Variants in TENM2 observed in about 807,000 individuals in gnomAD.
The protein encoded by TENM2 is teneurin transmembrane protein 2.
Under a neutral mutation model 245.2 loss-of-function variants are expected in TENM2, and 52 were observed. The ratio of observed to expected loss-of-function variants is 0.21; its 90% CI spans 0.17 to 0.27. The LOEUF (loss-of-function observed/expected upper bound fraction) is 0.27. Among genes scored for constraint, TENM2 ranks in the 10% least tolerant of loss-of-function variants. The probability of loss-of-function intolerance (pLI) is 1.00; values close to 1 mark genes in which losing one functional copy is unlikely to be tolerated. For synonymous variants in TENM2, 1,363 were observed against 1,438.9 expected (o/e 0.95, Z 1.19); for missense variants, 3,046 against 3,666.8 (o/e 0.83, Z 4.37).
At chr5:167,403,406 A>G (rs1389786228) in intron 2 of TENM2, among the ~76,000 whole-genome samples, 1 of 152,102 alleles carries the variant, frequency 6.6e-6, no homozygotes, top group Admixed American at 6.6e-5. Context: ...TATATTTGCC[A>G]TAGGCAAGAA....
At position 167,647,487 on chromosome 5, in the gene TENM2, G is replaced by A. The variant is rs367643088; in HGVS notation, c.503-228499G>A. Among the ~76,000 whole-genome samples, 39 of 152,110 alleles carry A rather than the reference G, an allele frequency of 2.6e-4. No individual in the cohort carries two copies. In the East Asian group the frequency reaches 5.8e-3, roughly 23 times the overall value. On this transcript the variant is annotated intron_variant, in intron 2 of 28. Transcript: ENST00000518659. ...AAAATACAAAAATTAGCCGGGCGTG[G>A]TGGTGAGTGCCTGTAGTCCCACCTA...
intron 3 of TENM2, among the ~76,000 whole-genome samples, chr5:167,898,271 T>G (rs1638846286): frequency 6.6e-6 from 1 of 151,964 alleles, no homozygotes; most frequent in Non-Finnish European, 1.5e-5. Context: ...ACTCTACCTC[T>G]CTCCTTTCCC....
chr5:167,280,277 G>A (rs531955850), upstream of TENM2, among the ~76,000 whole-genome samples: 27 of 152,288 alleles, frequency 1.8e-4, no homozygotes, highest in South Asian at 3.3e-3. Context: ...TGCTTACACC[G>A]CAGGGGGCAA....
chr5:167,011,836 A>G, the TENM2 span, among the ~76,000 whole-genome samples: 1 of 152,214 alleles, frequency 6.6e-6, no homozygotes, highest in South Asian at 2.1e-4. Flanking sequence ...ATGTCGCAGG[A>G]CATGATTTGT....
chr5:167,856,074 C>T lies in TENM2; in HGVS notation c.503-19912C>T, dbSNP rs549084653. 6.6e-5 allele frequency among the ~76,000 whole-genome samples: 10 copies of T among 152,272 alleles called. No individual in the cohort carries two copies. In the East Asian group the frequency reaches 1.4e-3, roughly 21 times the overall value. ...TTATCTTCCACACAGTCACTTATTT[C>T]GACTTCACTTAGGCTGGGTACAAAC... On this transcript the variant is annotated intron_variant, in intron 2 of 28. Coordinates refer to ENST00000518659, the Ensembl canonical transcript of TENM2.
At chr5:167,046,870 G>A in the TENM2 span, among the ~76,000 whole-genome samples, 1 of 130,754 alleles carries the variant, frequency 7.6e-6, no homozygotes, top group African/African-American at 2.8e-5. Context: ...CCCACCCCCC[G>A]ACAGGCCCTG....
chr5:168,009,068 G>A (rs1785032721), intron 5 of TENM2, among the ~76,000 whole-genome samples: 1 of 152,146 alleles, frequency 6.6e-6, no homozygotes, highest in South Asian at 2.1e-4. Flanking sequence ...CCTCCATAAC[G>A]TAGTGCTTAC....
At chr5:167,074,610 C>A in the TENM2 span, among the ~76,000 whole-genome samples, 1 of 152,232 alleles carries the variant, frequency 6.6e-6, no homozygotes, top group African/African-American at 2.4e-5. Context: ...GGAACGTTGA[C>A]AGCAGTTCTG....
intron 2 of TENM2, among the ~76,000 whole-genome samples, chr5:167,511,827 A>C (rs2127570673): frequency 6.6e-6 from 1 of 152,334 alleles, no homozygotes; most frequent in Admixed American, 6.5e-5. Context: ...AGTCAGTTCA[A>C]CTAAGGTGAG....
intron 12 of TENM2, among the ~76,000 whole-genome samples, chr5:168,159,492 C>T (rs1338936832): frequency 6.6e-6 from 1 of 152,152 alleles, no homozygotes; most frequent in South Asian, 2.1e-4. Context: ...ACCCATTTTG[C>T]CCTCCAGACT....
intron 2 of TENM2, among the ~76,000 whole-genome samples, chr5:167,717,026 G>A (rs1759319461): frequency 6.6e-6 from 1 of 151,554 alleles, no homozygotes; most frequent in African/African-American, 2.4e-5. Context: ...GTGCAGTGGT[G>A]CAATCTCAGC....
At chr5:167,667,380 C>T (rs1464102348) in intron 2 of TENM2, among the ~76,000 whole-genome samples, 3 of 152,110 alleles carry the variant, frequency 2.0e-5, no homozygotes, top group Admixed American at 2.0e-4. Flanking sequence ...AATCTACCTC[C>T]AGCATCTCTC....
At chr5:166,987,195 C>T in the TENM2 span, among the ~76,000 whole-genome samples, 79 of 152,192 alleles carry the variant, frequency 5.2e-4, no homozygotes, top group African/African-American at 1.7e-3. Context: ...AATTGTGTTA[C>T]GGCTACCCTG....
chr5:167,744,808 A>AAAAC (rs3056477), intron 2 of TENM2, among the ~76,000 whole-genome samples: 4 of 151,110 alleles, frequency 2.6e-5, no homozygotes, highest in South Asian at 2.1e-4. Context: ...TCTCTAAAAC[A>AAAAC]AAACAAACAA....
At chr5:167,555,031 T>C (rs552531679) in intron 2 of TENM2, among the ~76,000 whole-genome samples, 3 of 152,234 alleles carry the variant, frequency 2.0e-5, no homozygotes, top group South Asian at 4.1e-4. Flanking sequence ...TGGAAAGCAA[T>C]GGTACCAATT....
chr5:168,225,824 C>CT (rs1169293126), intron 23 of TENM2, among the ~76,000 whole-genome samples: 1 of 151,548 alleles, frequency 6.6e-6, no homozygotes, highest in Non-Finnish European at 1.5e-5. Context: ...TGGCTGTTTT[C>CT]TCTAACTAAC....
At chr5:168,031,284 A>T (rs1787123887) in intron 5 of TENM2, among the ~76,000 whole-genome samples, 1 of 152,206 alleles carries the variant, frequency 6.6e-6, no homozygotes, top group Non-Finnish European at 1.5e-5. Context: ...GAGTCTGGAG[A>T]AGGTGACCAC....
intron 2 of TENM2, among the ~76,000 whole-genome samples, chr5:167,665,365 C>CA (rs1006544650): frequency 2.0e-5 from 3 of 151,816 alleles, no homozygotes; most frequent in African/African-American, 7.3e-5. Flanking sequence ...CAGACCTCAC[C>CA]AAAAAAGTGG....
intron 2 of TENM2, among the ~76,000 whole-genome samples, chr5:167,675,061 A>T (rs1457973414): frequency 6.6e-6 from 1 of 152,122 alleles, no homozygotes; most frequent in Non-Finnish European, 1.5e-5. Flanking sequence ...ATGAATGGTG[A>T]GAAAAAAAGA....
Sources: gnomAD v4.1 joint callset for allele counts (sites outside exome capture counted in the v4.1 genomes callset) on GRCh38, gnomAD v4.1.1 for gene constraint, MANE v1.5 for transcripts, NCBI Gene and HGNC (gene_info 2026-07-23, HGNC 2026-07-21) for gene names.